MCTP1: variants seen among roughly 807,000 people sequenced by gnomAD.
The protein encoded by MCTP1 is multiple C2 and transmembrane domain containing 1.
In MCTP1, 69 loss-of-function variants were observed where a neutral mutation model predicts 120.6. The ratio of observed to expected loss-of-function variants is 0.57; its 90% CI spans 0.47 to 0.70. The LOEUF (loss-of-function observed/expected upper bound fraction) is 0.70, where lower values mean the gene tolerates loss of function less well. MCTP1 is among the 30% of genes least tolerant of loss of function. MCTP1 has a pLI of 0.00. For missense variants in MCTP1, 1,203 were observed against 1,248.8 expected (o/e 0.96, Z 0.55); for synonymous variants, 529 against 493.1 (o/e 1.07, Z -0.96).
At chr5:94,781,309 T>C (rs1446182898) in intron 18 of MCTP1, among the ~76,000 whole-genome samples, 3 of 152,114 alleles carry the variant, frequency 2.0e-5, no homozygotes, top group Non-Finnish European at 4.4e-5. Flanking sequence ...TCAGGTGCTA[T>C]GAAGGCAGGA....
intron 5 of MCTP1, among the ~76,000 whole-genome samples, chr5:94,936,323 A>T (rs143030448): frequency 2.6e-5 from 4 of 151,994 alleles, no homozygotes; most frequent in African/African-American, 9.7e-5. Flanking sequence ...TTCCCCTTGT[A>T]TCAGTGATAG....
At chr5:94,919,802 T>C (rs186131965) in intron 7 of MCTP1, among the ~76,000 whole-genome samples, 2 of 152,358 alleles carry the variant, frequency 1.3e-5, no homozygotes, top group African/African-American at 4.8e-5. Context: ...ACCTGGATGA[T>C]GAAGTCCAAC....
At chr5:95,047,501 T>C (rs1279720195) in intron 1 of MCTP1, among the ~76,000 whole-genome samples, 1 of 152,154 alleles carries the variant, frequency 6.6e-6, no homozygotes, top group Non-Finnish European at 1.5e-5. Context: ...CTAATAAAAA[T>C]AATGAACTTT....
chr5:94,909,477 T>C (rs1807878864), intron 9 of MCTP1, 96 bp from the exon 10 acceptor site: 1 of 1,202,984 alleles, frequency 8.3e-7, no homozygotes, highest in East Asian at 2.5e-5. Context: ...CTATAGTATC[T>C]AGAAAAGCAC....
intron 5 of MCTP1, among the ~76,000 whole-genome samples, chr5:94,937,336 G>A (rs72775402): frequency 0.23 from 34,609 of 151,888 alleles, 4,953 homozygotes; most frequent in South Asian, 0.4. Flanking sequence ...ATCTGGGGTA[G>A]TCAAAGGGAT....
intron 21 of MCTP1, chr5:94,709,321 C>T (rs1755906895): frequency 6.6e-6 from 1 of 152,048 alleles, no homozygotes; most frequent in Admixed American, 6.6e-5. Context: ...AATCACCTAC[C>T]ACTAAAGGAA....
intron 3 of MCTP1, among the ~76,000 whole-genome samples, chr5:94,947,555 A>AATATGT (rs1554147609): frequency 0.07 from 2,778 of 39,604 alleles, 293 homozygotes; most frequent in South Asian, 0.12. Context: ...TAGTTTACTA[A>AATATGT]ATATATATAT....
At chr5:95,229,813 G>C (rs570996739) in intron 1 of MCTP1, among the ~76,000 whole-genome samples, 4 of 152,228 alleles carry the variant, frequency 2.6e-5, no homozygotes, top group African/African-American at 7.2e-5. Context: ...TTATGTGTCA[G>C]AGTGTTTGAG....
intron 19 of MCTP1, among the ~76,000 whole-genome samples, chr5:94,732,957 A>G (rs200466728): frequency 2.6e-5 from 4 of 152,288 alleles, no homozygotes; most frequent in East Asian, 3.9e-4. Context: ...GGTTTATAAA[A>G]TTATTTTTAT....
At chr5:95,000,096 T>C (rs73138028) in intron 2 of MCTP1, among the ~76,000 whole-genome samples, 1,681 of 152,256 alleles carry the variant, frequency 0.011, 35 homozygotes, top group African/African-American at 0.037. Context: ...CCCACAAGAT[T>C]ATCATGGACC....
chr5:94,843,454 A>G (rs1244999168), intron 17 of MCTP1, among the ~76,000 whole-genome samples: 2 of 152,326 alleles, frequency 1.3e-5, no homozygotes, highest in Non-Finnish European at 2.9e-5. Context: ...TTTGTCTGCT[A>G]ACTCTGGCCT....
At chr5:95,152,316 A>G (rs1179520809) in intron 1 of MCTP1, among the ~76,000 whole-genome samples, 1 of 152,236 alleles carries the variant, frequency 6.6e-6, no homozygotes, top group Non-Finnish European at 1.5e-5. Flanking sequence ...TGCAATGGAA[A>G]TGAGCTTGGG....
At chr5:94,813,285 T>C (rs1030434128) in intron 17 of MCTP1, among the ~76,000 whole-genome samples, 10 of 152,148 alleles carry the variant, frequency 6.6e-5, no homozygotes, top group Non-Finnish European at 1.2e-4. Context: ...TCACACCCAC[T>C]AGAGTGGCTG....
chr5:94,954,430 G>A (rs1283815421), intron 2 of MCTP1, among the ~76,000 whole-genome samples: 1 of 151,758 alleles, frequency 6.6e-6, no homozygotes, highest in Non-Finnish European at 1.5e-5. Context: ...GAGGGGTGAA[G>A]AATGAAATAC....
At chr5:94,792,550 G>A (rs1779204535) in intron 18 of MCTP1, 1 of 152,296 alleles carries the variant, frequency 6.6e-6, no homozygotes, top group African/African-American at 2.4e-5. Context: ...CAAGTGGCGA[G>A]CAATTGCTGT....
chr5:94,975,611 A>G (rs1261416987), intron 2 of MCTP1, among the ~76,000 whole-genome samples: 1 of 151,856 alleles, frequency 6.6e-6, no homozygotes, highest in Non-Finnish European at 1.5e-5. Context: ...AAGATGGCAT[A>G]TCATACAAAA....
At chr5:94,977,089 A>C (rs1828284138) in intron 2 of MCTP1, among the ~76,000 whole-genome samples, 1 of 152,132 alleles carries the variant, frequency 6.6e-6, no homozygotes, top group South Asian at 2.1e-4. Flanking sequence ...ATTCCACAAC[A>C]AACTGTTAGA....
intron 1 of MCTP1, among the ~76,000 whole-genome samples, chr5:95,111,116 G>C (rs1757417066): frequency 6.6e-6 from 1 of 152,182 alleles, no homozygotes; most frequent in Non-Finnish European, 1.5e-5. Context: ...CTAAGGTTCT[G>C]ACTAACAATA....
intron 1 of MCTP1, among the ~76,000 whole-genome samples, chr5:95,251,649 C>G (rs1174525390): frequency 1.3e-5 from 2 of 152,048 alleles, no homozygotes; most frequent in African/African-American, 2.4e-5. Flanking sequence ...TGGGAATACA[C>G]TGTAGTTGAG....
Sources: allele counts gnomAD v4.1 joint callset (sites outside exome capture counted in the v4.1 genomes callset), GRCh38; gene constraint gnomAD v4.1.1; transcripts MANE v1.5; gene names NCBI Gene and HGNC (gene_info 2026-07-23, HGNC 2026-07-21).